FBXL5: variants seen among roughly 807,000 people sequenced by gnomAD.
FBXL5 encodes F-box/LRR-repeat protein 5.
A neutral mutation model predicts 78.3 loss-of-function variants in FBXL5; 26 were observed. That is an observed-to-expected ratio of 0.33 (90% CI 0.24 to 0.46). The LOEUF (loss-of-function observed/expected upper bound fraction) is 0.46. Ranked by LOEUF, FBXL5 falls within the 20% of genes least tolerant of loss-of-function variation. The pLI is 1.00. For synonymous variants in FBXL5, 295 were observed against 282.5 expected, an observed-to-expected ratio of 1.04 and a Z score of -0.45; for missense variants, 710 against 829.2, an observed-to-expected ratio of 0.86 and a Z score of 1.77.
intron 10 of FBXL5, among the ~76,000 whole-genome samples, 164 bp from the exon 11 acceptor site, chr4:15,605,963 T>G (rs1192432040): frequency 6.6e-6 from 1 of 152,178 alleles, no homozygotes; most frequent in Admixed American, 6.5e-5. Context: ...GACACAAAAC[T>G]CAATAGCAGC....
chr4:15,652,533 C>T (rs1716221410), intron 1 of FBXL5, among the ~76,000 whole-genome samples: 2 of 152,102 alleles, frequency 1.3e-5, no homozygotes, highest in South Asian at 2.1e-4. Flanking sequence ...AGTATTAAAT[C>T]GGGTATTGTA....
At chr4:15,674,454 C>G (rs2148819653) in intron 1 of FBXL5, among the ~76,000 whole-genome samples, 1 of 151,994 alleles carries the variant, frequency 6.6e-6, no homozygotes, top group African/African-American at 2.4e-5. Context: ...AAATGTCCCC[C>G]AATTTTTATT....
chr4:15,614,743 A>G (rs1248163464), intron 9 of FBXL5, among the ~76,000 whole-genome samples: 1 of 152,130 alleles, frequency 6.6e-6, no homozygotes, highest in East Asian at 1.9e-4. Flanking sequence ...GAGAGGTGAC[A>G]GCACGCTGGC....
intron 9 of FBXL5, among the ~76,000 whole-genome samples, chr4:15,619,794 G>GC (rs1712295700): frequency 6.6e-6 from 1 of 152,168 alleles, no homozygotes. Context: ...TTGAGCCTCA[G>GC]CAACAAGTAA....
Position 15,646,243 on chromosome 4 carries a change from CAT to C in FBXL5, c.85-1537_85-1536del, listed in dbSNP as rs150562431. Among the ~76,000 whole-genome samples, 978 of 152,278 alleles carry C rather than the reference CAT, an allele frequency of 6.4e-3. 1 individual carries two copies. The highest frequency in any genetic ancestry group is 0.02 in the Middle Eastern group (6 of 294). On this transcript the variant is annotated intron_variant, in intron 1 of 10. Coordinates refer to ENST00000341285, the MANE Select transcript of FBXL5 (RefSeq NM_012161.4). ...AATTCAAATTTCATATAATTTTTCA[CAT>C]GTCACAAAATACTATTCTTCTTTTG...
chr4:15,655,050 G>C (rs1480472301), intron 1 of FBXL5, among the ~76,000 whole-genome samples, 154 bp downstream of exon 1: 3 of 150,712 alleles, frequency 2.0e-5, no homozygotes, highest in Non-Finnish European at 4.4e-5. Flanking sequence ...GGCAGGCTGC[G>C]GGAGCGGGCG....
chr4:15,635,910 T>A (rs1714208336), intron 5 of FBXL5, among the ~76,000 whole-genome samples: 1 of 152,064 alleles, frequency 6.6e-6, no homozygotes, highest in South Asian at 2.1e-4. Flanking sequence ...GTGAAAGTAA[T>A]TTACTATAAT....
At chr4:15,636,789 C>T in intron 4 of FBXL5, 113 bp from the exon 5 acceptor site, 1 of 703,572 alleles carries the variant, frequency 1.4e-6, no homozygotes, top group Non-Finnish European at 2.3e-6. Context: ...TTCCTTCCTG[C>T]TTGCAAGATG....
upstream of FBXL5, among the ~76,000 whole-genome samples, chr4:15,657,034 GAAT>G (rs1487470714): frequency 6.6e-6 from 1 of 152,166 alleles, no homozygotes; most frequent in Non-Finnish European, 1.5e-5. Flanking sequence ...TTAAGAAATA[GAAT>G]AATAATAAAA....
chr4:15,625,922 C>T lies in FBXL5; in HGVS notation c.1180G>A (p.Glu394Lys), dbSNP rs376132486. The T allele has an allele frequency of 3.2e-5, 51 of 1,610,210 alleles. No homozygotes were observed. Among genetic ancestry groups the T allele is most frequent in the Admixed American group, 5.1e-5 (3 of 59,010 alleles). ...TCTAGGGCCACATCTGTGATTTTCT[C>T]ACAACCAGACAGATCAAGATGCCGA... ...SLRHLDLSGC[E>K]KITDVALEKI... Residue 394 changes from glutamate to lysine, a missense_variant, in exon 9 of 11, where the codon GAG becomes AAG. By Grantham distance (56) the Glu-to-Lys change is moderately conservative. This residue lies in a region of FBXL5 where 517 missense variants were observed against 542.9 expected (regional missense o/e 0.95). Coordinates refer to ENST00000341285, the MANE Select transcript of FBXL5 (RefSeq NM_012161.4).
At chr4:15,626,410 T>C (rs1363043952) in intron 8 of FBXL5, among the ~76,000 whole-genome samples, 1 of 152,152 alleles carries the variant, frequency 6.6e-6, no homozygotes, top group Admixed American at 6.6e-5. Flanking sequence ...AAGGTGCTGA[T>C]ATAAATAGTT....
In FBXL5 at chr4:15,644,294, G is replaced by A. The variant is rs73798636; in HGVS notation, c.300+199C>T. Among the ~76,000 whole-genome samples, 507 of 152,236 alleles carry A rather than the reference G, an allele frequency of 3.3e-3. 7 individuals are homozygous for A. The highest frequency in any genetic ancestry group is 0.012 in the African/African-American group (487 of 41,538). The stretch of plus-strand genomic sequence containing the variant: ...TTGTCCTTACTGTATTCACCGTCGG[G>A]ACTGATCTCTCTCCACTACTGCAAA... On this transcript the variant is annotated intron_variant, in intron 2 of 10. Coordinates refer to ENST00000341285, the MANE Select transcript of FBXL5 (RefSeq NM_012161.4).
At chr4:15,658,141 G>A (rs1717105190), upstream of FBXL5, among the ~76,000 whole-genome samples, 2 of 152,324 alleles carry the variant, frequency 1.3e-5, no homozygotes, top group South Asian at 2.1e-4. Context: ...ATTGGCCAGG[G>A]AGGGTCAATT....
intron 2 of FBXL5, chr4:15,641,635 TAA>T: frequency 2.2e-6 from 1 of 455,556 alleles, no homozygotes; most frequent in South Asian, 1.6e-5. Flanking sequence ...AGGCTGTAAG[TAA>T]AGTTTTGAGA....
At chr4:15,640,722 C>T in intron 3 of FBXL5, 66 bp downstream of exon 3, 3 of 866,428 alleles carry the variant, frequency 3.5e-6, no homozygotes, top group East Asian at 2.8e-5. Context: ...TTTGAAGAGT[C>T]TCTAAAGCAA....
intron 9 of FBXL5, among the ~76,000 whole-genome samples, chr4:15,621,696 A>G (rs1712498647): frequency 6.6e-6 from 1 of 152,238 alleles, no homozygotes; most frequent in South Asian, 2.1e-4. Context: ...ATAAGAGGCT[A>G]TTTTTAATTA....
rs1423328496 is a variant in FBXL5, at chr4:15,674,209, T to G, written c.-284+7174A>C. Among the ~76,000 whole-genome samples the G allele has an allele frequency of 1.1e-4, 16 of 152,138 alleles. No homozygotes were observed. In the South Asian group the frequency reaches 1.5e-3, roughly 14 times the overall value. ...TGAAATATCAAATGCATCGTGTTTT[T>G]TTTTTTTTTTTAATTCTCTAGCCCT... On this transcript the variant is annotated intron_variant, in intron 1 of 4. Transcript: ENST00000507899.
chr4:15,668,909 C>T (rs972821308), intron 1 of FBXL5, among the ~76,000 whole-genome samples: 1 of 152,196 alleles, frequency 6.6e-6, no homozygotes, highest in East Asian at 1.9e-4. Flanking sequence ...AGAGTGACAA[C>T]ACAGTAGCTC....
At chr4:15,619,490 T>A (rs909783887) in intron 9 of FBXL5, among the ~76,000 whole-genome samples, 1 of 152,076 alleles carries the variant, frequency 6.6e-6, no homozygotes, top group Non-Finnish European at 1.5e-5. Context: ...AAACTAGAAA[T>A]AGACAGGAAC....
Sources: allele counts gnomAD v4.1 joint callset (sites outside exome capture counted in the v4.1 genomes callset), GRCh38; gene constraint gnomAD v4.1.1; regional missense constraint gnomAD v4.1.1; transcripts MANE v1.5; gene names NCBI Gene and HGNC (gene_info 2026-07-23, HGNC 2026-07-21).